PAFAH1B1: variants seen among roughly 807,000 people sequenced by gnomAD.
PAFAH1B1 encodes platelet activating factor acetylhydrolase 1b regulatory subunit 1.
PAFAH1B1 carries 2 observed loss-of-function variants against 57.5 expected under a neutral mutation model. The ratio of observed to expected loss-of-function variants is 0.03; its 90% CI spans 0.01 to 0.11. PAFAH1B1 has a LOEUF of 0.11. PAFAH1B1 is among the 10% of genes least tolerant of loss of function. The probability of loss-of-function intolerance (pLI) is 1.00; values close to 1 mark genes in which losing one functional copy is unlikely to be tolerated. For missense variants in PAFAH1B1, 257 were observed against 512.0 expected, an observed-to-expected ratio of 0.50 and a Z score of 4.81; for synonymous variants, 152 against 169.6, an observed-to-expected ratio of 0.90 and a Z score of 0.81.
At chr17:2,611,923 C>T (rs751510406) in intron 1 of PAFAH1B1, among the ~76,000 whole-genome samples, 3 of 152,086 alleles carry the variant, frequency 2.0e-5, no homozygotes, top group African/African-American at 2.4e-5. Context: ...ACTCTGTGTT[C>T]GCTTAATTGT....
At chr17:2,597,403 CTTTTTTTTTTT>C (rs1187594089) in intron 1 of PAFAH1B1, among the ~76,000 whole-genome samples, 1 of 64,350 alleles carries the variant, frequency 1.6e-5, no homozygotes, top group Non-Finnish European at 2.8e-5. Flanking sequence ...ACATCCGTGT[CTTTTTTTTTTT>C]TTTTTTTTTT....
intron 1 of PAFAH1B1, among the ~76,000 whole-genome samples, chr17:2,615,748 C>A (rs986041837): frequency 6.6e-6 from 1 of 152,210 alleles, no homozygotes; most frequent in Non-Finnish European, 1.5e-5. Context: ...CTGAAACTTT[C>A]TCTTTTTAGA....
At chr17:2,650,250 G>A (rs1487660673) in intron 2 of PAFAH1B1, among the ~76,000 whole-genome samples, 4 of 152,136 alleles carry the variant, frequency 2.6e-5, no homozygotes, top group Admixed American at 6.5e-5. Context: ...AGTGGCTCAC[G>A]CCTGTAATCC....
intron 10 of PAFAH1B1, chr17:2,680,854 C>G (rs1457574714): frequency 5.5e-6 from 1 of 183,438 alleles, no homozygotes; most frequent in African/African-American, 2.4e-5. Flanking sequence ...AGGATTGGTT[C>G]AAGGATTAGG....
intron 1 of PAFAH1B1, among the ~76,000 whole-genome samples, chr17:2,595,181 C>A (rs953810727): frequency 2.6e-5 from 4 of 152,088 alleles, no homozygotes; most frequent in African/African-American, 4.8e-5. Flanking sequence ...AAGTGGCAGT[C>A]CGGACAAATA....
At chr17:2,628,672 C>T (rs1470022938) in intron 1 of PAFAH1B1, among the ~76,000 whole-genome samples, 1 of 152,134 alleles carries the variant, frequency 6.6e-6, no homozygotes, top group Non-Finnish European at 1.5e-5. Context: ...GGTACCAACT[C>T]TTCTTTGAAT....
At chr17:2,597,386 A>G (rs1329606172) in intron 1 of PAFAH1B1, among the ~76,000 whole-genome samples, 1 of 144,136 alleles carries the variant, frequency 6.9e-6, no homozygotes, top group Non-Finnish European at 1.5e-5. Flanking sequence ...ATGCTTTTCT[A>G]GCTAGAACAT....
intron 5 of PAFAH1B1, among the ~76,000 whole-genome samples, chr17:2,667,835 C>T (rs1050431583): frequency 6.6e-6 from 1 of 151,590 alleles, no homozygotes; most frequent in Non-Finnish European, 1.5e-5. Context: ...ATATTATTAC[C>T]TTTTAATGTT....
At chr17:2,677,841 G>A (rs1220357991) in intron 9 of PAFAH1B1, among the ~76,000 whole-genome samples, 2 of 148,630 alleles carry the variant, frequency 1.3e-5, no homozygotes, top group Admixed American at 7.0e-5. Flanking sequence ...GCGACAGAGC[G>A]AGACTCCGCC....
chr17:2,610,748 C>G (rs2068258949), intron 1 of PAFAH1B1, among the ~76,000 whole-genome samples: 1 of 152,192 alleles, frequency 6.6e-6, no homozygotes, highest in Non-Finnish European at 1.5e-5. Context: ...TCTCATGGGG[C>G]TCTCATAAAG....
intron 1 of PAFAH1B1, among the ~76,000 whole-genome samples, chr17:2,605,261 G>A (rs1280602209): frequency 6.6e-6 from 1 of 152,162 alleles, no homozygotes; most frequent in East Asian, 1.9e-4. Flanking sequence ...TTTGTAGTTT[G>A]GGTGACTGAG....
intron 2 of PAFAH1B1, among the ~76,000 whole-genome samples, chr17:2,645,645 G>A (rs892030381): frequency 2.1e-5 from 3 of 146,074 alleles, no homozygotes; most frequent in Non-Finnish European, 3.0e-5. Flanking sequence ...ACGGAGTCTC[G>A]CTCTGTCCCC....
intron 1 of PAFAH1B1, among the ~76,000 whole-genome samples, chr17:2,621,240 G>T (rs575851669): frequency 6.6e-6 from 1 of 151,970 alleles, no homozygotes; most frequent in Non-Finnish European, 1.5e-5. Context: ...TTCACCCTCC[G>T]AAAGGCCCCA....
intron 1 of PAFAH1B1, among the ~76,000 whole-genome samples, chr17:2,621,719 A>G (rs113181223): frequency 0.67 from 63,739 of 95,148 alleles, 16,216 homozygotes; most frequent in African/African-American, 0.78. Flanking sequence ...TCTGCATCCC[A>G]GGTGTTGCCC....
chr17:2,652,150 G>T (rs151116779), intron 2 of PAFAH1B1, among the ~76,000 whole-genome samples: 4 of 50,488 alleles, frequency 7.9e-5, no homozygotes, highest in Non-Finnish European at 1.9e-4. Context: ...AGTGGCTCAC[G>T]CCTGTAATCC....
intron 1 of PAFAH1B1, among the ~76,000 whole-genome samples, chr17:2,596,418 T>C (rs900412763): frequency 6.6e-6 from 1 of 152,180 alleles, no homozygotes; most frequent in Admixed American, 6.6e-5. Context: ...AAGGATAAGA[T>C]AATTTGCATG....
At position 2,621,922 on chromosome 17, in the gene PAFAH1B1, GA is replaced by G. The variant is rs376774600; in HGVS notation, c.-190-16175del. 2.6e-4 allele frequency among the ~76,000 whole-genome samples: 40 copies of G among 152,252 alleles called. No individual in the cohort carries two copies. In the East Asian group the frequency reaches 5.8e-3, roughly 22 times the overall value. On this transcript the variant is annotated intron_variant, in intron 1 of 10. Coordinates refer to ENST00000397195, the MANE Select transcript of PAFAH1B1 (RefSeq NM_000430.4). ...GTTCCACATGGCTGGGGAGGCTTCA[GA>G]ATCATGGCAGGAGGCGAAAGGCACC... is the stretch of plus-strand genomic sequence containing the variant.
At chr17:2,669,754 C>A (rs1282675776) in intron 5 of PAFAH1B1, among the ~76,000 whole-genome samples, 1 of 151,980 alleles carries the variant, frequency 6.6e-6, no homozygotes. Context: ...AGCTCCTTCC[C>A]TTCCCCTTCC....
chr17:2,647,637 T>C (rs1016375475), intron 2 of PAFAH1B1, among the ~76,000 whole-genome samples: 15 of 152,182 alleles, frequency 9.9e-5, no homozygotes, highest in Non-Finnish European at 1.6e-4. Context: ...ATGAAAAACA[T>C]TGCTCATTGC....
Sources: gnomAD v4.1 joint callset for allele counts (sites outside exome capture counted in the v4.1 genomes callset) on GRCh38, gnomAD v4.1.1 for gene constraint, MANE v1.5 for transcripts, NCBI Gene and HGNC (gene_info 2026-07-23, HGNC 2026-07-21) for gene names.